Variants in DPH6 observed in about 807,000 individuals in gnomAD.
The protein encoded by DPH6 is diphthamine biosynthesis 6.
A neutral mutation model predicts 38.2 loss-of-function variants in DPH6; 33 were observed. The observed-to-expected ratio is 0.86, with a 90% CI of 0.65 to 1.15. The LOEUF (loss-of-function observed/expected upper bound fraction) is 1.15, where lower values mean the gene tolerates loss of function less well. Among genes scored for constraint, DPH6 ranks in the 50% most tolerant of loss-of-function variants. The probability of loss-of-function intolerance (pLI) is 0.00; values close to 1 mark genes in which losing one functional copy is unlikely to be tolerated. For synonymous variants in DPH6, 108 were observed against 103.0 expected, an observed-to-expected ratio of 1.05 and a Z score of -0.30; for missense variants, 325 against 320.0, an observed-to-expected ratio of 1.02 and a Z score of -0.12.
At chr15:35,185,899 ATT>A in the DPH6 span, among the ~76,000 whole-genome samples, 12,598 of 150,864 alleles carry the variant, frequency 0.084, 692 homozygotes, top group East Asian at 0.3. Context: ...CGCCCGGCTA[ATT>A]TTTTTTGTGT....
chr15:35,146,276 G>A, the DPH6 span, among the ~76,000 whole-genome samples: 3,803 of 152,110 alleles, frequency 0.025, 135 homozygotes, highest in African/African-American at 0.081. Flanking sequence ...TTTCAATTGC[G>A]GTTCTTAAAA....
At chr15:35,364,068 C>A (rs1258797644) in intron 3 of DPH6, among the ~76,000 whole-genome samples, 2 of 151,930 alleles carry the variant, frequency 1.3e-5, no homozygotes, top group East Asian at 1.9e-4. Context: ...CTCTTTCCTG[C>A]ATCTCTGATA....
At chr15:35,352,284 A>AT (rs1027102667) in intron 3 of DPH6, among the ~76,000 whole-genome samples, 21 of 151,756 alleles carry the variant, frequency 1.4e-4, no homozygotes, top group African/African-American at 3.6e-4. Context: ...AACTCCTTCA[A>AT]TTTTTTTTAT....
intron 3 of DPH6, among the ~76,000 whole-genome samples, chr15:35,300,261 G>A (rs2052045869): frequency 6.6e-6 from 1 of 152,200 alleles, no homozygotes; most frequent in Non-Finnish European, 1.5e-5. Context: ...TGAGAAGCTT[G>A]GGTTTTGTTT....
At chr15:35,481,324 C>T (rs1280355727) in intron 3 of DPH6, among the ~76,000 whole-genome samples, 2 of 152,004 alleles carry the variant, frequency 1.3e-5, no homozygotes, top group Admixed American at 6.6e-5. Flanking sequence ...AAAAACTCTA[C>T]TGGACAAGTA....
In DPH6 at chr15:35,372,093, T is replaced by C. The variant is rs772786324; in HGVS notation, c.*57A>G. ...CTAGTCATAGTAACTGAGAAAATACTATGCAATTTTTTTGTATAGAAATGG... is the reference window on the plus strand; with the variant it reads ...CTAGTCATAGTAACTGAGAAAATACCATGCAATTTTTTTGTATAGAAATGG... On this transcript the variant is annotated 3_prime_UTR_variant, in exon 9 of 9. Transcript: ENST00000256538. 4.0e-6 allele frequency: 6 copies of C among 1,484,830 alleles called. No homozygotes were observed. Among genetic ancestry groups the C allele is most frequent in the Middle Eastern group, 4.9e-4 (2 of 4,112 alleles). The allele number at this position is 1,484,830 out of a possible 1,614,324, so 92.0% of individuals were successfully genotyped here. A position where few individuals can be genotyped will look rare whatever the true frequency, so the allele number is the denominator to read the frequency against.
intron 3 of DPH6, chr15:35,237,348 A>G: frequency 6.3e-7 from 1 of 1,595,456 alleles, no homozygotes; most frequent in Non-Finnish European, 8.6e-7. Flanking sequence ...AGACGGATTC[A>G]TTTAGAGCTG....
At chr15:35,503,393 C>T (rs532997091) in intron 3 of DPH6, among the ~76,000 whole-genome samples, 40 of 152,132 alleles carry the variant, frequency 2.6e-4, no homozygotes, top group African/African-American at 9.4e-4. Flanking sequence ...GTCCCCTTTT[C>T]GTTGCTCTTA....
chr15:35,472,846 T>C (rs574403527), intron 3 of DPH6, among the ~76,000 whole-genome samples: 5 of 150,694 alleles, frequency 3.3e-5, no homozygotes, highest in Non-Finnish European at 7.4e-5. Context: ...CCTACCTTCA[T>C]GGAGCTTAAC....
At chr15:35,436,510 A>AAAC (rs764277918) in intron 5 of DPH6, among the ~76,000 whole-genome samples, 14,411 of 47,404 alleles carry the variant, frequency 0.3, 1,517 homozygotes, top group Middle Eastern at 0.51. Flanking sequence ...AAAACAAAAC[A>AAAC]AAACAAAAAA....
chr15:35,221,659 T>C (rs764332547), intron 3 of DPH6, among the ~76,000 whole-genome samples: 1 of 152,208 alleles, frequency 6.6e-6, no homozygotes, highest in South Asian at 2.1e-4. Context: ...TCCCATTGTC[T>C]TGATGAATAG....
chr15:35,279,048 CA>C (rs71123126), intron 3 of DPH6, among the ~76,000 whole-genome samples: 41 of 70,658 alleles, frequency 5.8e-4, no homozygotes, highest in African/African-American at 1.1e-3. Flanking sequence ...GACTCTGTCT[CA>C]AAAAAAAAAA....
chr15:35,170,316 T>C, the DPH6 span, among the ~76,000 whole-genome samples: 1 of 152,200 alleles, frequency 6.6e-6, no homozygotes, highest in Non-Finnish European at 1.5e-5. Context: ...CTTTGGTAGC[T>C]AGCTACACAG....
chr15:35,432,755 T>G (rs1224818707), intron 5 of DPH6, among the ~76,000 whole-genome samples: 1 of 152,102 alleles, frequency 6.6e-6, no homozygotes, highest in East Asian at 1.9e-4. Flanking sequence ...GAAGACATAT[T>G]CCACCTGAAT....
chr15:35,487,690 AC>A (rs778947756), intron 3 of DPH6, among the ~76,000 whole-genome samples: 20 of 152,186 alleles, frequency 1.3e-4, no homozygotes, highest in Admixed American at 7.2e-4. Flanking sequence ...TGCCCTGGAA[AC>A]ATTTTCCCCA....
intron 3 of DPH6, among the ~76,000 whole-genome samples, chr15:35,241,021 C>A (rs889239231): frequency 3.5e-5 from 5 of 143,522 alleles, no homozygotes; most frequent in African/African-American, 5.0e-5. Flanking sequence ...TCCTCCAGAA[C>A]CTCCTCCCAC....
chr15:35,518,084 G>GTT (rs1254635637), intron 3 of DPH6, among the ~76,000 whole-genome samples: 1 of 151,980 alleles, frequency 6.6e-6, no homozygotes, highest in East Asian at 1.9e-4. Flanking sequence ...GGAAGGCCTG[G>GTT]TGTTCAAAGA....
At chr15:35,179,384 T>C in the DPH6 span, among the ~76,000 whole-genome samples, 1 of 152,052 alleles carries the variant, frequency 6.6e-6, no homozygotes, top group Admixed American at 6.5e-5. Flanking sequence ...ATATAGGATG[T>C]TTATGTAGAT....
At chr15:35,544,732 T>G (rs894645706) in intron 1 of DPH6, among the ~76,000 whole-genome samples, 5 of 152,160 alleles carry the variant, frequency 3.3e-5, no homozygotes, top group African/African-American at 1.2e-4. Context: ...TTTAGCAAAC[T>G]TTTTTTATTA....
Sources: gnomAD v4.1 joint callset for allele counts (sites outside exome capture counted in the v4.1 genomes callset) on GRCh38, gnomAD v4.1.1 for gene constraint, MANE v1.5 for transcripts, NCBI Gene and HGNC (gene_info 2026-07-23, HGNC 2026-07-21) for gene names.